Variants in PLD5 observed in about 807,000 individuals in gnomAD.
The protein encoded by PLD5 is inactive phospholipase D5.
Under a neutral mutation model 61.1 loss-of-function variants are expected in PLD5, and 36 were observed. That is an observed-to-expected ratio of 0.59 (90% CI 0.45 to 0.78). The LOEUF (loss-of-function observed/expected upper bound fraction) is 0.78. Ranked by LOEUF, PLD5 falls within the 30% of genes least tolerant of loss-of-function variation. The pLI, the probability that PLD5 is intolerant of heterozygous loss-of-function variation, is 0.00. For missense variants in PLD5, 515 were observed against 644.4 expected (o/e 0.80, Z 2.17); for synonymous variants, 243 against 242.8 (o/e 1.00, Z -0.01).
chr1:242,094,204 C>T (rs1261651171), intron 9 of PLD5, among the ~76,000 whole-genome samples: 1 of 152,012 alleles, frequency 6.6e-6, no homozygotes, highest in Non-Finnish European at 1.5e-5. Context: ...TAGTGTCACC[C>T]AGAGGGACAT....
At chr1:242,277,299 C>T (rs1674467688) in intron 3 of PLD5, among the ~76,000 whole-genome samples, 1 of 152,202 alleles carries the variant, frequency 6.6e-6, no homozygotes, top group Admixed American at 6.5e-5. Flanking sequence ...AAGAGGACCC[C>T]ACGCAGAATG....
intron 2 of PLD5, among the ~76,000 whole-genome samples, chr1:242,290,770 A>G (rs1157836506): frequency 6.6e-6 from 1 of 151,470 alleles, no homozygotes; most frequent in Non-Finnish European, 1.5e-5. Context: ...ATGAGGACAC[A>G]GATTTTCTTG....
intron 5 of PLD5, among the ~76,000 whole-genome samples, chr1:242,153,005 C>G (rs556125155): frequency 7.3e-4 from 111 of 151,760 alleles, no homozygotes; most frequent in African/African-American, 2.6e-3. Flanking sequence ...TCTCCACATC[C>G]TCTCCAGCAT....
intron 1 of PLD5, among the ~76,000 whole-genome samples, chr1:242,483,982 G>T (rs1667870638): frequency 6.6e-6 from 1 of 152,004 alleles, no homozygotes. Flanking sequence ...CGAAATGAAG[G>T]CAGAAATAAA....
intron 1 of PLD5, among the ~76,000 whole-genome samples, chr1:242,435,016 G>C (rs1426046901): frequency 6.6e-6 from 1 of 151,098 alleles, no homozygotes; most frequent in Non-Finnish European, 1.5e-5. Flanking sequence ...TATTTTTCCT[G>C]ATGCTCTCCC....
At chr1:242,311,692 TG>T (rs968095026) in intron 2 of PLD5, among the ~76,000 whole-genome samples, 10 of 152,222 alleles carry the variant, frequency 6.6e-5, no homozygotes, top group African/African-American at 2.4e-4. Flanking sequence ...TAACTTGGTG[TG>T]GGTCTTTGAG....
intron 1 of PLD5, among the ~76,000 whole-genome samples, chr1:242,419,473 G>A (rs1665017901): frequency 6.7e-6 from 1 of 150,254 alleles, no homozygotes; most frequent in African/African-American, 2.5e-5. Context: ...TCAGCTCATG[G>A]CAACCTCCAC....
intron 1 of PLD5, among the ~76,000 whole-genome samples, chr1:242,499,830 T>C (rs1668495190): frequency 6.6e-6 from 1 of 152,162 alleles, no homozygotes; most frequent in Non-Finnish European, 1.5e-5. Context: ...AACATGTCTA[T>C]TTCCTCCACT....
chr1:242,273,127 C>G (rs1674207953), intron 3 of PLD5, among the ~76,000 whole-genome samples: 1 of 151,736 alleles, frequency 6.6e-6, no homozygotes, highest in Admixed American at 6.6e-5. Flanking sequence ...CTCCCTGTGT[C>G]CATGTGTTCT....
chr1:242,324,377 A>G (rs1400205462), intron 2 of PLD5, among the ~76,000 whole-genome samples: 1 of 152,216 alleles, frequency 6.6e-6, no homozygotes, highest in East Asian at 1.9e-4. Context: ...TTTTGCTAAA[A>G]ACAAAGTAAG....
At chr1:242,236,269 T>A (rs994927034) in intron 4 of PLD5, among the ~76,000 whole-genome samples, 1 of 152,206 alleles carries the variant, frequency 6.6e-6, no homozygotes, top group African/African-American at 2.4e-5. Context: ...CTATCCAGTC[T>A]ATGGTATTTT....
At chr1:242,315,670 T>C (rs1445516715) in intron 2 of PLD5, among the ~76,000 whole-genome samples, 1 of 152,144 alleles carries the variant, frequency 6.6e-6, no homozygotes, top group Non-Finnish European at 1.5e-5. Context: ...AGAAAAGGGA[T>C]CTTGCTACAT....
intron 2 of PLD5, among the ~76,000 whole-genome samples, chr1:242,322,621 G>A (rs1375277864): frequency 1.3e-5 from 2 of 152,196 alleles, no homozygotes; most frequent in Non-Finnish European, 2.9e-5. Context: ...TGGATCATGG[G>A]GGTGGATTTC....
chr1:242,108,224 A>G (rs972272139), intron 7 of PLD5, among the ~76,000 whole-genome samples: 1 of 152,034 alleles, frequency 6.6e-6, no homozygotes, highest in African/African-American at 2.4e-5. Flanking sequence ...TCAGTCCCCA[A>G]ATGCCACTAA....
At chr1:242,419,594 T>TTTTA (rs71176760) in intron 1 of PLD5, among the ~76,000 whole-genome samples, 8 of 148,932 alleles carry the variant, frequency 5.4e-5, no homozygotes, top group African/African-American at 2.0e-4. Flanking sequence ...TTTTTTTTTT[T>TTTTA]AGTAGAAACA....
At chr1:242,236,551 CA>C (rs71984462) in intron 4 of PLD5, among the ~76,000 whole-genome samples, 104 of 150,470 alleles carry the variant, frequency 6.9e-4, no homozygotes, top group African/African-American at 2.1e-3. Flanking sequence ...ATAAAAACAA[CA>C]AAAAAAAACT....
rs140931488 is a variant in PLD5, at chr1:242,105,716, A to G, written c.1239+1955T>C. Among the ~76,000 whole-genome samples the G allele has an allele frequency of 2.1e-3, 315 of 152,360 alleles. 4 individuals are homozygous for G. The highest frequency in any genetic ancestry group is 7.3e-3 in the African/African-American group (305 of 41,602). On this transcript the variant is annotated intron_variant, in intron 8 of 9. Transcript: ENST00000536534. Reference sequence around the variant, plus strand: ...AGTATGAAAAATCCTTTAAGTGGCCAGTTAAGACTGAGCCCTGTAGAAAAG... The same window carrying G: ...AGTATGAAAAATCCTTTAAGTGGCCGGTTAAGACTGAGCCCTGTAGAAAAG...
intron 1 of PLD5, among the ~76,000 whole-genome samples, chr1:242,516,798 G>A (rs1231053017): frequency 3.3e-5 from 5 of 152,158 alleles, no homozygotes; most frequent in African/African-American, 1.2e-4. Flanking sequence ...GCTATTGTTG[G>A]CCCTTTGCAT....
chr1:242,299,298 TTAAG>T (rs1276505287), intron 2 of PLD5, among the ~76,000 whole-genome samples: 11 of 152,180 alleles, frequency 7.2e-5, no homozygotes, highest in South Asian at 4.1e-4. Context: ...GTTACACTCT[TTAAG>T]TAATTATAAA....
Sources: allele counts gnomAD v4.1 joint callset (sites outside exome capture counted in the v4.1 genomes callset), GRCh38; gene constraint gnomAD v4.1.1; transcripts MANE v1.5; gene names NCBI Gene and HGNC (gene_info 2026-07-23, HGNC 2026-07-21).